Variants in ENAH observed in about 807,000 individuals in gnomAD.
ENAH encodes ENAH actin regulator, also known as protein enabled homolog.
A neutral mutation model predicts 78.7 loss-of-function variants in ENAH; 23 were observed. The observed-to-expected ratio is 0.29, with a 90% CI of 0.21 to 0.41. The LOEUF is 0.41. Ranked by LOEUF, ENAH falls within the 10% of genes least tolerant of loss-of-function variation. The pLI is 1.00. For missense variants in ENAH, 544 were observed against 691.0 expected (o/e 0.79, Z 2.39); for synonymous variants, 226 against 241.0 (o/e 0.94, Z 0.58).
chr1:225,613,128 T>C (rs2097000792), intron 1 of ENAH, among the ~76,000 whole-genome samples: 1 of 152,192 alleles, frequency 6.6e-6, no homozygotes, highest in South Asian at 2.1e-4. Context: ...CTCATTTTCA[T>C]TGCAAGGCCT....
chr1:225,574,100 A>G (rs1437082804), intron 1 of ENAH, among the ~76,000 whole-genome samples: 4 of 152,108 alleles, frequency 2.6e-5, no homozygotes, highest in Admixed American at 6.6e-5. Flanking sequence ...AACACTAAAA[A>G]CTTTGGAATT....
In ENAH at chr1:225,495,113, A is replaced by G. The variant is rs1438266451; in HGVS notation, c.*2662T>C. On this transcript the variant is annotated 3_prime_UTR_variant, in exon 14 of 14. Coordinates refer to ENST00000366843, the MANE Select transcript of ENAH (RefSeq NM_018212.6). ...TCAGTTTGTTTGCAATTGACTTGTG[A>G]GCCATTTACATAGTGGATAGTACAG... 1.3e-5 allele frequency: 2 copies of G among 152,616 alleles called. No homozygotes were observed. The highest frequency in any genetic ancestry group is 1.5e-5 in the Non-Finnish European group (1 of 68,020). The allele number at this position is 152,616 out of a possible 1,614,324, so 9.5% of individuals were successfully genotyped here.
chr1:225,571,888 T>C (rs2096764624), intron 1 of ENAH, among the ~76,000 whole-genome samples: 4 of 152,170 alleles, frequency 2.6e-5, no homozygotes, highest in Admixed American at 2.0e-4. Flanking sequence ...CCTTACCCTA[T>C]GCCTCTCTTC....
At chr1:225,632,497 CAA>C (rs55973162) in intron 1 of ENAH, among the ~76,000 whole-genome samples, 10 of 102,444 alleles carry the variant, frequency 9.8e-5, no homozygotes, top group Admixed American at 2.0e-4. Context: ...GACTCCGTCT[CAA>C]AAAAAAAAAA....
chr1:225,614,349 G>A (rs1224496911), intron 1 of ENAH, among the ~76,000 whole-genome samples: 2 of 152,164 alleles, frequency 1.3e-5, no homozygotes, highest in East Asian at 3.8e-4. Context: ...GTGAGCCACT[G>A]TGCCCAGCCA....
chr1:225,541,761 T>A (rs1191993329), intron 3 of ENAH, among the ~76,000 whole-genome samples: 2 of 152,218 alleles, frequency 1.3e-5, no homozygotes, highest in African/African-American at 4.8e-5. Context: ...TTTTTATAAA[T>A]AGCACACGAC....
At chr1:225,585,151 G>A (rs776241364) in intron 1 of ENAH, among the ~76,000 whole-genome samples, 2 of 146,108 alleles carry the variant, frequency 1.4e-5, no homozygotes, top group African/African-American at 2.5e-5. Flanking sequence ...GAGAGGCAGA[G>A]GTTGCAGCAA....
intron 1 of ENAH, among the ~76,000 whole-genome samples, chr1:225,632,648 C>A (rs904376524): frequency 2.0e-5 from 3 of 152,168 alleles, no homozygotes; most frequent in Non-Finnish European, 4.4e-5. Flanking sequence ...TTAAATGAAT[C>A]TATACATTAT....
At chr1:225,582,223 G>A (rs563238425) in intron 1 of ENAH, among the ~76,000 whole-genome samples, 16 of 151,900 alleles carry the variant, frequency 1.1e-4, no homozygotes, top group South Asian at 4.2e-4. Context: ...TTTGCCTTCC[G>A]CCATGACTGT....
In ENAH at chr1:225,567,185, G is replaced by A. The variant is rs931369307; in HGVS notation, c.171+64C>T. 57 of 1,527,066 alleles carry A rather than the reference G, an allele frequency of 3.7e-5. 1 individual carries two copies. In the South Asian group the frequency reaches 5.9e-4, roughly 16 times the overall value. The allele number at this position is 1,527,066 out of a possible 1,614,324, so 94.6% of individuals were successfully genotyped here. A position where few individuals can be genotyped will look rare whatever the true frequency, so the allele number is the denominator to read the frequency against. On this transcript the variant is annotated intron_variant, in intron 2 of 13. Coordinates refer to ENST00000366843, the MANE Select transcript of ENAH (RefSeq NM_018212.6). ...CAGTTTTAAAACTACTTTATTTTACGGAATATGCCAAGTCCTTTTGTAATA... is the reference window on the plus strand; with the variant it reads ...CAGTTTTAAAACTACTTTATTTTACAGAATATGCCAAGTCCTTTTGTAATA...
intron 1 of ENAH, among the ~76,000 whole-genome samples, chr1:225,634,735 T>C (rs1659753450): frequency 6.6e-6 from 1 of 152,242 alleles, no homozygotes; most frequent in African/African-American, 2.4e-5. Context: ...GAGGGTTTAC[T>C]GGGCTCTCTA....
chr1:225,512,234 G>A (rs780289166), intron 9 of ENAH, among the ~76,000 whole-genome samples: 9 of 152,218 alleles, frequency 5.9e-5, no homozygotes, highest in Non-Finnish European at 1.3e-4. Flanking sequence ...CTGAATCAGG[G>A]AGGAGGGCAT....
At chr1:225,642,440 C>G (rs756450977) in intron 1 of ENAH, among the ~76,000 whole-genome samples, 1 of 151,900 alleles carries the variant, frequency 6.6e-6, no homozygotes, top group Non-Finnish European at 1.5e-5. Flanking sequence ...GTTAAGTGAG[C>G]GATGAGGCAG....
At chr1:225,519,075 A>C in intron 5 of ENAH, 123 bp downstream of exon 5, 1 of 1,409,950 alleles carries the variant, frequency 7.1e-7, no homozygotes, top group Non-Finnish European at 9.6e-7. Context: ...ATTTATTCAT[A>C]ATTTCAAATT....
At position 225,620,432 on chromosome 1, in the gene ENAH, A is replaced by T. The variant is rs1427377013; in HGVS notation, c.5+32254T>A. Among the ~76,000 whole-genome samples, 3 of 151,944 alleles carry T rather than the reference A, an allele frequency of 2.0e-5. No individual in the cohort carries two copies. In the East Asian group the frequency reaches 5.8e-4, roughly 29 times the overall value. ...TCCCAGCTACTTGGGAAGCTGAGGC[A>T]GAAAAGAAAAATCGCTTGTACCCAG... is the stretch of plus-strand genomic sequence containing the variant. On this transcript the variant is annotated intron_variant, in intron 1 of 13. Coordinates refer to ENST00000366843, the MANE Select transcript of ENAH (RefSeq NM_018212.6).
chr1:225,623,643 TGGTGCAATCTC>T (rs1284308171), intron 1 of ENAH, among the ~76,000 whole-genome samples: 1 of 150,352 alleles, frequency 6.7e-6, no homozygotes, highest in East Asian at 2.0e-4. Context: ...TGGAGTGCAG[TGGTGCAATCTC>T]GGCTCACTGC....
chr1:225,544,530 C>T (rs2096604171), intron 3 of ENAH, among the ~76,000 whole-genome samples: 2 of 152,146 alleles, frequency 1.3e-5, no homozygotes, highest in Admixed American at 6.5e-5. Context: ...AAACTCCAGG[C>T]TAAAATAACT....
intron 3 of ENAH, among the ~76,000 whole-genome samples, chr1:225,539,681 G>A (rs939513765): frequency 1.2e-4 from 18 of 152,144 alleles, no homozygotes; most frequent in African/African-American, 4.1e-4. Flanking sequence ...TGATTGCCAC[G>A]TATCTCATCC....
chr1:225,572,472 C>T (rs1470693967), intron 1 of ENAH, among the ~76,000 whole-genome samples: 1 of 152,192 alleles, frequency 6.6e-6, no homozygotes, highest in Non-Finnish European at 1.5e-5. Flanking sequence ...TCATTAAATG[C>T]AATAACTTGA....
Sources: allele counts gnomAD v4.1 joint callset (sites outside exome capture counted in the v4.1 genomes callset), GRCh38; gene constraint gnomAD v4.1.1; transcripts MANE v1.5; gene names NCBI Gene and HGNC (gene_info 2026-07-23, HGNC 2026-07-21).